RNF212B: variants seen among roughly 807,000 people sequenced by gnomAD.
The protein encoded by RNF212B is E3 ubiquitin-protein ligase RNF212B.
In RNF212B, 52 loss-of-function variants were observed where a neutral mutation model predicts 55.5. That is an observed-to-expected ratio of 0.94 (90% CI 0.75 to 1.18). The LOEUF is 1.18. RNF212B is among the 50% of genes most tolerant of loss of function. RNF212B has a pLI of 0.00. For synonymous variants in RNF212B, 99 were observed against 121.4 expected, an observed-to-expected ratio of 0.82 and a Z score of 1.21; for missense variants, 289 against 350.4, an observed-to-expected ratio of 0.82 and a Z score of 1.40.
At chr14:23,206,500 G>A (rs1342853940) in intron 2 of RNF212B, among the ~76,000 whole-genome samples, 4 of 152,130 alleles carry the variant, frequency 2.6e-5, no homozygotes, top group African/African-American at 7.2e-5. Flanking sequence ...ATATAAAGAC[G>A]TATTAGGCAT....
At chr14:23,238,151 T>TA (rs2140430769) in intron 1 of RNF212B, among the ~76,000 whole-genome samples, 96 bp downstream of exon 1, 1 of 152,272 alleles carries the variant, frequency 6.6e-6, no homozygotes, top group African/African-American at 2.4e-5. Context: ...CAGGGTCGCC[T>TA]TAATCACCCT....
intron 2 of RNF212B, among the ~76,000 whole-genome samples, chr14:23,202,557 C>T (rs1879402811): frequency 6.6e-6 from 1 of 151,994 alleles, no homozygotes; most frequent in Admixed American, 6.6e-5. Flanking sequence ...GCTTTAATTG[C>T]TGTCAGTGTT....
At chr14:23,234,752 A>G (rs1055743851), upstream of RNF212B, among the ~76,000 whole-genome samples, 6 of 152,242 alleles carry the variant, frequency 3.9e-5, no homozygotes, top group African/African-American at 1.2e-4. Context: ...TGGCACTAAA[A>G]TATTTTCCAG....
intron 9 of RNF212B, 148 bp from the exon 10 acceptor site, chr14:23,264,026 T>C: frequency 1.8e-6 from 1 of 561,702 alleles, no homozygotes; most frequent in Non-Finnish European, 3.1e-6. Flanking sequence ...ATGCGGAGGC[T>C]GCAGTGAGCT....
chr14:23,259,267 T>C (rs1390004648), intron 5 of RNF212B, among the ~76,000 whole-genome samples: 1 of 151,848 alleles, frequency 6.6e-6, no homozygotes, highest in South Asian at 2.1e-4. Flanking sequence ...ACACTCATTG[T>C]AGCCTCAATC....
chr14:23,223,054 CAAA>C (rs55694130), intron 2 of RNF212B, among the ~76,000 whole-genome samples: 24,247 of 124,688 alleles, frequency 0.19, 2,019 homozygotes, highest in African/African-American at 0.21. Flanking sequence ...AACTCCGTCT[CAAA>C]AAAAAAAAAA....
upstream of RNF212B, among the ~76,000 whole-genome samples, chr14:23,234,579 C>T (rs1294463500): frequency 6.6e-6 from 1 of 152,162 alleles, no homozygotes; most frequent in Non-Finnish European, 1.5e-5. Flanking sequence ...ATTCAATTCC[C>T]CATGCACACT....
chr14:23,221,957 A>G (rs754150836), intron 2 of RNF212B, among the ~76,000 whole-genome samples: 6 of 152,234 alleles, frequency 3.9e-5, no homozygotes, highest in Non-Finnish European at 4.4e-5. Flanking sequence ...TGGAAACACA[A>G]CATACCAAAA....
At chr14:23,187,711 C>G (rs1877729691) in intron 1 of RNF212B, among the ~76,000 whole-genome samples, 1 of 152,110 alleles carries the variant, frequency 6.6e-6, no homozygotes, top group Admixed American at 6.5e-5. Flanking sequence ...ACTCACAGTC[C>G]ATGCGCTCAC....
At chr14:23,209,667 T>C (rs914883095) in intron 2 of RNF212B, among the ~76,000 whole-genome samples, 4 of 152,092 alleles carry the variant, frequency 2.6e-5, no homozygotes, top group Admixed American at 2.0e-4. Flanking sequence ...ACTTTGAGGG[T>C]AGGCTGGATT....
At chr14:23,247,480 G>A (rs991594470) in intron 4 of RNF212B, among the ~76,000 whole-genome samples, 1 of 151,780 alleles carries the variant, frequency 6.6e-6, no homozygotes, top group Admixed American at 6.6e-5. Context: ...TCCTGTTCAG[G>A]GCATTTCATA....
intron 14 of RNF212B, chr14:23,272,504 A>G (rs1741624061): frequency 3.0e-6 from 1 of 335,174 alleles, no homozygotes; most frequent in Non-Finnish European, 5.5e-6. Context: ...ACCTCCTCAG[A>G]GGCCTAAGAA....
At chr14:23,266,247 C>G (rs542259532) in intron 11 of RNF212B, among the ~76,000 whole-genome samples, 9 of 152,042 alleles carry the variant, frequency 5.9e-5, no homozygotes, top group Admixed American at 2.0e-4. Flanking sequence ...CCATGCTGAT[C>G]CCATTCCAAA....
At chr14:23,236,137 A>G (rs753946193), upstream of RNF212B, among the ~76,000 whole-genome samples, 5 of 152,264 alleles carry the variant, frequency 3.3e-5, no homozygotes, top group Non-Finnish European at 7.3e-5. Context: ...CTACATAGCA[A>G]GAGATTACAA....
At chr14:23,266,622 G>A (rs896733812) in intron 11 of RNF212B, among the ~76,000 whole-genome samples, 8 of 151,064 alleles carry the variant, frequency 5.3e-5, no homozygotes, top group Non-Finnish European at 1.0e-4. Context: ...CCATGTTGAG[G>A]CTGGTCTCAA....
chr14:23,268,258 A>T lies in RNF212B; in HGVS notation c.635-666A>T, dbSNP rs142147720. 5.3e-3 allele frequency among the ~76,000 whole-genome samples: 813 copies of T among 152,280 alleles called. 5 individuals are homozygous for T. Among genetic ancestry groups the T allele is most frequent in the Non-Finnish European group, 8.4e-3 (569 of 68,008 alleles). Reference sequence around the variant, plus strand: ...CAGTTCTCTGGGAATGAATCCTTCAAAAAGCTCCAACCCTGTTCCATCCCC... The same window carrying T: ...CAGTTCTCTGGGAATGAATCCTTCATAAAGCTCCAACCCTGTTCCATCCCC... On this transcript the variant is annotated intron_variant, in intron 11 of 14. Transcript: ENST00000430154.
intron 14 of RNF212B, among the ~76,000 whole-genome samples, chr14:23,272,167 C>T (rs959279613): frequency 6.6e-6 from 1 of 152,092 alleles, no homozygotes; most frequent in Non-Finnish European, 1.5e-5. Flanking sequence ...CCTGTAATCC[C>T]AGCACTTTGG....
At position 23,258,660 on chromosome 14, in the gene RNF212B, G is replaced by T. The variant is rs751886095; in HGVS notation, c.340G>T (p.Asp114Tyr). 2 of 1,436,208 alleles carry T rather than the reference G, an allele frequency of 1.4e-6. No homozygotes were observed. Among genetic ancestry groups the T allele is most frequent in the South Asian group, 1.3e-5 (1 of 76,140 alleles). 89.0% of individuals were successfully genotyped at this position (1,436,208 alleles called of 1,614,324 possible). ...QEAQQALVSQ[D>Y]KELSVLRKEN... The stretch of plus-strand genomic sequence containing the variant: ...GGCACAGCAAGCACTGGTGAGCCAG[G>T]ACAAGTAAGTAACAAATCAAGTCCC... The change falls in exon 5 of 15, where the codon GAC (aspartate) becomes TAC (tyrosine). Residue 114 changes from aspartate (D) to tyrosine (Y), a missense_variant. Transcript: ENST00000430154.
At chr14:23,214,840 G>T (rs1880914167) in intron 2 of RNF212B, among the ~76,000 whole-genome samples, 1 of 152,096 alleles carries the variant, frequency 6.6e-6, no homozygotes, top group South Asian at 2.1e-4. Context: ...TTCCAAATCT[G>T]TTGAAAGAAA....
Sources: gnomAD v4.1 joint callset for allele counts (sites outside exome capture counted in the v4.1 genomes callset) on GRCh38, gnomAD v4.1.1 for gene constraint, MANE v1.5 for transcripts, NCBI Gene and HGNC (gene_info 2026-07-23, HGNC 2026-07-21) for gene names.